Variants in ASIP observed in about 807,000 individuals in gnomAD.
ASIP encodes agouti-signaling protein.
A neutral mutation model predicts 10.3 loss-of-function variants in ASIP; 11 were observed. That is an observed-to-expected ratio of 1.07 (90% CI 0.68 to 1.78). The LOEUF (loss-of-function observed/expected upper bound fraction) is 1.78. Among genes scored for constraint, ASIP ranks in the 40% most tolerant of loss-of-function variants. ASIP has a pLI of 0.00. For synonymous variants in ASIP, 70 were observed against 70.8 expected (o/e 0.99, Z 0.06); for missense variants, 180 against 169.2 (o/e 1.06, Z -0.35).
chr20:34,213,123 A>G (rs2034985085), intron 1 of ASIP, among the ~76,000 whole-genome samples: 1 of 152,164 alleles, frequency 6.6e-6, no homozygotes, highest in Non-Finnish European at 1.5e-5. Flanking sequence ...GAATAGACCT[A>G]ATGCTGCTAT....
chr20:34,200,909 A>C (rs188995279), intron 1 of ASIP, among the ~76,000 whole-genome samples: 23 of 152,058 alleles, frequency 1.5e-4, no homozygotes, highest in Admixed American at 1.4e-3. Context: ...TTTGGTTGCT[A>C]TCTTGCCAAA....
chr20:34,191,730 C>CT (rs58407816), upstream of ASIP, among the ~76,000 whole-genome samples: 13,493 of 125,068 alleles, frequency 0.11, 2,706 homozygotes, highest in African/African-American at 0.39. Flanking sequence ...CTCTCTCTCT[C>CT]TTTTTTTTTT....
intron 1 of ASIP, among the ~76,000 whole-genome samples, chr20:34,245,349 AAGAG>A (rs1023950416): frequency 6.6e-6 from 1 of 150,726 alleles, no homozygotes; most frequent in Non-Finnish European, 1.5e-5. Flanking sequence ...AAAAAAAAAA[AAGAG>A]AGAGAGACAA....
At chr20:34,235,584 T>C (rs1460714971) in intron 1 of ASIP, among the ~76,000 whole-genome samples, 3 of 152,036 alleles carry the variant, frequency 2.0e-5, no homozygotes, top group Non-Finnish European at 4.4e-5. Context: ...CTTAGCACGA[T>C]AACAATCATG....
intron 1 of ASIP, among the ~76,000 whole-genome samples, chr20:34,204,346 G>C (rs891585828): frequency 6.6e-6 from 1 of 150,864 alleles, no homozygotes; most frequent in East Asian, 2.0e-4. Context: ...TCAGCCTTCC[G>C]AGTAGCTGGG....
At chr20:34,193,808 A>G (rs2122527216), upstream of ASIP, among the ~76,000 whole-genome samples, 1 of 152,368 alleles carries the variant, frequency 6.6e-6, no homozygotes, top group Admixed American at 6.5e-5. Context: ...CCAAATGTGC[A>G]TGTTACTCTG....
At chr20:34,232,652 G>C (rs2035129664) in intron 1 of ASIP, among the ~76,000 whole-genome samples, 2 of 152,252 alleles carry the variant, frequency 1.3e-5, no homozygotes, top group South Asian at 4.2e-4. Context: ...CATAACCAAG[G>C]CCACTCAGGC....
At chr20:34,217,361 C>G (rs1005082644) in intron 1 of ASIP, among the ~76,000 whole-genome samples, 1 of 151,318 alleles carries the variant, frequency 6.6e-6, no homozygotes, top group South Asian at 2.1e-4. Context: ...TCGCTTGAAC[C>G]TGGGAGGCGC....
chr20:34,263,513 T>C (rs2035731747), intron 3 of ASIP, among the ~76,000 whole-genome samples: 1 of 151,988 alleles, frequency 6.6e-6, no homozygotes, highest in South Asian at 2.1e-4. Flanking sequence ...TGCAGTGAGC[T>C]TGAGCCATTG....
At chr20:34,258,346 CTT>C (rs56005855) in intron 1 of ASIP, among the ~76,000 whole-genome samples, 2 of 138,388 alleles carry the variant, frequency 1.4e-5, no homozygotes, top group Admixed American at 7.4e-5. Context: ...GTTGGATATT[CTT>C]TTTTTTTTTT....
chr20:34,231,788 C>A (rs1023297515), intron 1 of ASIP, among the ~76,000 whole-genome samples: 3 of 152,202 alleles, frequency 2.0e-5, no homozygotes, highest in Non-Finnish European at 2.9e-5. Context: ...CAAATTATCA[C>A]TGCAATGAGA....
intron 1 of ASIP, among the ~76,000 whole-genome samples, chr20:34,231,869 GAGTAAT>G (rs2035124070): frequency 1.3e-5 from 2 of 152,322 alleles, no homozygotes; most frequent in South Asian, 4.1e-4. Context: ...CAAGGACATT[GAGTAAT>G]GGAACTCTCA....
At position 34,248,859 on chromosome 20, in the gene ASIP, C is replaced by T. The variant is rs1392734366; in HGVS notation, c.-11+7370C>T. On this transcript the variant is annotated intron_variant, in intron 1 of 3. Coordinates refer to ENST00000374954, the MANE Select transcript of ASIP (RefSeq NM_001672.3). ...TGTTGTAGCCTCTCTGAAGGGGATG[C>T]CACTCATTTGGAATAACAGCAATTC... Among the ~76,000 whole-genome samples, 4 of 151,296 alleles carry T rather than the reference C, an allele frequency of 2.6e-5. No individual in the cohort carries two copies. The South Asian group carries it at 8.3e-4, about 31-fold the overall frequency.
intron 1 of ASIP, chr20:34,246,347 G>A: frequency 1.3e-6 from 2 of 1,532,230 alleles, no homozygotes; most frequent in Non-Finnish European, 1.8e-6. Context: ...AGTAAATTTT[G>A]CAAGTTCATT....
At chr20:34,220,698 A>G (rs1256095399) in intron 1 of ASIP, among the ~76,000 whole-genome samples, 5 of 152,176 alleles carry the variant, frequency 3.3e-5, no homozygotes, top group African/African-American at 1.2e-4. Context: ...TGACTCCTGA[A>G]CTGACATAGG....
intron 1 of ASIP, among the ~76,000 whole-genome samples, chr20:34,199,384 C>T (rs1000030908): frequency 2.6e-5 from 4 of 151,926 alleles, no homozygotes; most frequent in African/African-American, 9.7e-5. Context: ...TCCGCTTTTA[C>T]AGATATTGTC....
At chr20:34,236,521 GCAA>G (rs557601998), upstream of ASIP, among the ~76,000 whole-genome samples, 1,593 of 151,810 alleles carry the variant, frequency 0.01, 13 homozygotes, top group Non-Finnish European at 0.018. Flanking sequence ...TCCAGCCTGG[GCAA>G]CAAGAGTGAA....
intron 1 of ASIP, among the ~76,000 whole-genome samples, chr20:34,249,471 A>C (rs982990170): frequency 4.6e-5 from 7 of 152,184 alleles, no homozygotes; most frequent in African/African-American, 1.7e-4. Flanking sequence ...AAACTTCTTC[A>C]TAACCACTGT....
At chr20:34,217,022 G>A (rs1034355794) in intron 1 of ASIP, among the ~76,000 whole-genome samples, 1 of 152,080 alleles carries the variant, frequency 6.6e-6, no homozygotes, top group African/African-American at 2.4e-5. Context: ...ATAGGCTAGA[G>A]GCTGAAACTT....
Sources: allele counts gnomAD v4.1 joint callset (sites outside exome capture counted in the v4.1 genomes callset), GRCh38; gene constraint gnomAD v4.1.1; transcripts MANE v1.5; gene names NCBI Gene and HGNC (gene_info 2026-07-23, HGNC 2026-07-21).